Variants in ST3GAL2 observed in about 807,000 individuals in gnomAD.
ST3GAL2 encodes CMP-N-acetylneuraminate-beta-galactosamide-alpha-2,3-sialyltransferase 2.
ST3GAL2 carries 16 observed loss-of-function variants against 37.5 expected under a neutral mutation model. The ratio of observed to expected loss-of-function variants is 0.43; its 90% CI spans 0.29 to 0.65. The LOEUF (loss-of-function observed/expected upper bound fraction) is 0.65. ST3GAL2 is among the 30% of genes least tolerant of loss of function. The probability of loss-of-function intolerance (pLI) is 0.17; values close to 1 mark genes in which losing one functional copy is unlikely to be tolerated. For synonymous variants in ST3GAL2, 238 were observed against 202.9 expected, an observed-to-expected ratio of 1.17 and a Z score of -1.47; for missense variants, 383 against 487.8, an observed-to-expected ratio of 0.79 and a Z score of 2.02.
At chr16:70,391,861 A>G (rs1453196184) in intron 3 of ST3GAL2, among the ~76,000 whole-genome samples, 4 of 152,206 alleles carry the variant, frequency 2.6e-5, no homozygotes, top group Non-Finnish European at 5.9e-5. Context: ...CTCTCGCCTC[A>G]GCCTCCCAAT....
At chr16:70,423,638 T>C (rs1347325623) in intron 1 of ST3GAL2, among the ~76,000 whole-genome samples, 1 of 152,078 alleles carries the variant, frequency 6.6e-6, no homozygotes, top group Non-Finnish European at 1.5e-5. Flanking sequence ...ATTTCTCAAC[T>C]TCCACTTCCT....
chr16:70,429,638 CTTTTTTT>C (rs1027728995), intron 1 of ST3GAL2, among the ~76,000 whole-genome samples: 2 of 90,004 alleles, frequency 2.2e-5, no homozygotes, highest in Non-Finnish European at 4.3e-5. Flanking sequence ...GCTTTAAATT[CTTTTTTT>C]TTTTTTTTTT....
chr16:70,414,458 A>G (rs1160157904), intron 1 of ST3GAL2, among the ~76,000 whole-genome samples: 1 of 152,158 alleles, frequency 6.6e-6, no homozygotes, highest in Non-Finnish European at 1.5e-5. Context: ...CCATTTGCCC[A>G]TTTCAGTCTT....
intron 3 of ST3GAL2, among the ~76,000 whole-genome samples, chr16:70,389,397 C>T (rs545047132): frequency 4.2e-4 from 63 of 150,658 alleles, no homozygotes; most frequent in Admixed American, 6.0e-4. Context: ...CCCGCCTCCG[C>T]CTCCCAGGTT....
At position 70,379,998 on chromosome 16, in the gene ST3GAL2, T is replaced by G. The variant is rs1332389459; in HGVS notation, c.*1691A>C. 6.6e-6 allele frequency: 1 copy of G among 152,190 alleles called. No individual in the cohort carries two copies. The highest frequency in any genetic ancestry group is 2.4e-5 in the African/African-American group (1 of 41,434). The allele number at this position is 152,190 out of a possible 1,614,324, so 9.4% of individuals were successfully genotyped here. A position where few individuals can be genotyped will look rare whatever the true frequency, so the allele number is the denominator to read the frequency against. ...ATAAATTATTCTGCTCAATACTGTT[T>G]GGCATAATTGCATTGCTTTTCATCA... On this transcript the variant is annotated 3_prime_UTR_variant, in exon 7 of 7. Coordinates refer to ENST00000342907, the MANE Select transcript of ST3GAL2 (RefSeq NM_006927.4).
At chr16:70,390,466 G>A (rs1481708416) in intron 3 of ST3GAL2, among the ~76,000 whole-genome samples, 1 of 152,176 alleles carries the variant, frequency 6.6e-6, no homozygotes, top group Non-Finnish European at 1.5e-5. Context: ...ATAAGATGGT[G>A]AAAGTAAGAT....
rs751045679 is a variant in ST3GAL2, at chr16:70,410,240, C to CTT, written c.-1003-10709_-1003-10708dup. ...GTTGACATATTATCTCCACCCTCACCTTTTTTTTTTTTTTTTTTTTTTTTT... is the reference window on the plus strand; with the variant it reads ...GTTGACATATTATCTCCACCCTCACCTTTTTTTTTTTTTTTTTTTTTTTTTTT... On this transcript the variant is annotated intron_variant, in intron 1 of 6. Transcript: ENST00000342907. 1.5e-3 allele frequency among the ~76,000 whole-genome samples: 91 copies of CTT among 62,662 alleles called. 31 individuals are homozygous for CTT. Among genetic ancestry groups the CTT allele is most frequent in the African/African-American group, 2.2e-3 (26 of 11,938 alleles). 41.1% of individuals were successfully genotyped at this position (62,662 alleles called of 152,430 possible). A position where few individuals can be genotyped will look rare whatever the true frequency, so the allele number is the denominator to read the frequency against.
chr16:70,404,104 G>A (rs2047573463), intron 1 of ST3GAL2, among the ~76,000 whole-genome samples: 1 of 152,162 alleles, frequency 6.6e-6, no homozygotes, highest in Admixed American at 6.5e-5. Context: ...ATATATCTGA[G>A]AGTCATCAGA....
intron 3 of ST3GAL2, 77 bp downstream of exon 3, chr16:70,394,905 C>T (rs2151661942): frequency 1.3e-6 from 2 of 1,522,746 alleles, no homozygotes; most frequent in Admixed American, 2.1e-5. Context: ...ATGCACCCTG[C>T]CAGACAAGGC....
At chr16:70,435,761 T>C (rs1164959658) in intron 1 of ST3GAL2, among the ~76,000 whole-genome samples, 1 of 150,780 alleles carries the variant, frequency 6.6e-6, no homozygotes, top group African/African-American at 2.4e-5. Context: ...GCCATTGCAC[T>C]CCAGCCTGGG....
At chr16:70,429,353 G>T (rs2047772603) in intron 1 of ST3GAL2, among the ~76,000 whole-genome samples, 2 of 152,082 alleles carry the variant, frequency 1.3e-5, no homozygotes, top group South Asian at 4.1e-4. Context: ...CAGCACTTTG[G>T]GAGGCTGAGG....
intron 1 of ST3GAL2, among the ~76,000 whole-genome samples, chr16:70,418,352 C>T (rs1441233032): frequency 6.6e-6 from 1 of 152,152 alleles, no homozygotes; most frequent in Non-Finnish European, 1.5e-5. Context: ...GTCAGGGCTC[C>T]TTGGCTTTGA....
chr16:70,426,515 CTTT>C (rs1306374449), intron 1 of ST3GAL2, among the ~76,000 whole-genome samples: 1 of 132,452 alleles, frequency 7.5e-6, no homozygotes, highest in South Asian at 2.5e-4. Context: ...AAGTGTTTTT[CTTT>C]TTTTTTTTTT....
chr16:70,397,043 C>CTTT lies in ST3GAL2; in HGVS notation c.339+1146_339+1148dup, dbSNP rs35885469. The stretch of plus-strand genomic sequence containing the variant: ...GTCCCTGCACGGCTTTCTTTTCTTT[C>CTTT]TTTTTTTTTTTTTTTTGAGACGGAG... On this transcript the variant is annotated intron_variant, in intron 2 of 6. Transcript: ENST00000342907. Among the ~76,000 whole-genome samples the CTTT allele has an allele frequency of 3.7e-3, 480 of 130,248 alleles. 11 individuals carry two copies. The highest frequency in any genetic ancestry group is 6.2e-3 in the South Asian group (26 of 4,214). 85.4% of individuals were successfully genotyped at this position (130,248 alleles called of 152,430 possible).
Position 70,379,417 on chromosome 16 carries a change from T to TC in ST3GAL2, c.*2271dup, listed in dbSNP as rs1023946570. 1.1e-4 allele frequency: 17 copies of TC among 151,818 alleles called. No homozygotes were observed. The highest frequency in any genetic ancestry group is 4.1e-4 in the African/African-American group (17 of 41,306). 9.4% of individuals were successfully genotyped at this position (151,818 alleles called of 1,614,324 possible). On this transcript the variant is annotated 3_prime_UTR_variant, in exon 7 of 7. Transcript: ENST00000342907. ...TGGGAGTCATCTCGCCCCTCCCATA[T>TC]CCCCCAACGTTCTCAGCCATTATCA...
At chr16:70,394,896 T>C in intron 3 of ST3GAL2, 86 bp downstream of exon 3, 1 of 1,472,552 alleles carries the variant, frequency 6.8e-7, no homozygotes. Context: ...GCTGGCAGCA[T>C]GCACCCTGCC....
intron 1 of ST3GAL2, among the ~76,000 whole-genome samples, chr16:70,427,763 T>G (rs2047761779): frequency 6.6e-6 from 1 of 152,112 alleles, no homozygotes; most frequent in African/African-American, 2.4e-5. Context: ...ATTACAAATC[T>G]CAACTAATTT....
At position 70,408,890 on chromosome 16, in the gene ST3GAL2, C is replaced by CAAAAAAAAAAAAAAAAAAAAAAAAAAAA. The variant is rs59060353; in HGVS notation, c.-1003-9385_-1003-9358dup. Among the ~76,000 whole-genome samples, 20 of 59,860 alleles carry CAAAAAAAAAAAAAAAAAAAAAAAAAAAA rather than the reference C, an allele frequency of 3.3e-4. 3 individuals carry two copies. Among genetic ancestry groups the CAAAAAAAAAAAAAAAAAAAAAAAAAAAA allele is most frequent in the African/African-American group, 5.2e-4 (10 of 19,304 alleles). The allele number at this position is 59,860 out of a possible 152,430, so 39.3% of individuals were successfully genotyped here. ...TCCTGTAGGAGACAGCTCAAAGAAA[C>CAAAAAAAAAAAAAAAAAAAAAAAAAAAA]AAAAAAAAAAAAAAAAAAAAAAAAA... is the stretch of plus-strand genomic sequence containing the variant. On this transcript the variant is annotated intron_variant, in intron 1 of 6. Coordinates refer to ENST00000342907, the MANE Select transcript of ST3GAL2 (RefSeq NM_006927.4).
rs1357089714 is a variant in ST3GAL2 at position 70,380,213 on chromosome 16, C to T, written c.*1476G>A. ...AAAGAACGACACTCGAGCTAGGTTC[C>T]AATATATTAACTTTCAGGGGCCCAC... On this transcript the variant is annotated 3_prime_UTR_variant, in exon 7 of 7. Coordinates refer to ENST00000342907, the MANE Select transcript of ST3GAL2 (RefSeq NM_006927.4). 6.6e-6 allele frequency: 1 copy of T among 152,164 alleles called. No homozygotes were observed. Among genetic ancestry groups the T allele is most frequent in the Non-Finnish European group, 1.5e-5 (1 of 68,068 alleles). 9.4% of individuals were successfully genotyped at this position (152,164 alleles called of 1,614,324 possible). A position where few individuals can be genotyped will look rare whatever the true frequency, so the allele number is the denominator to read the frequency against.
Sources: allele counts gnomAD v4.1 joint callset (sites outside exome capture counted in the v4.1 genomes callset), GRCh38; gene constraint gnomAD v4.1.1; transcripts MANE v1.5; gene names NCBI Gene and HGNC (gene_info 2026-07-23, HGNC 2026-07-21).